TRAF5: variants seen among roughly 807,000 people sequenced by gnomAD.
The protein encoded by TRAF5 is TNF receptor-associated factor 5.
TRAF5 carries 48 observed loss-of-function variants against 64.5 expected under a neutral mutation model. That is an observed-to-expected ratio of 0.74 (90% confidence interval 0.59 to 0.95). The LOEUF (loss-of-function observed/expected upper bound fraction) is 0.95. Ranked by LOEUF, TRAF5 falls within the 40% of genes least tolerant of loss-of-function variation. TRAF5 has a pLI of 0.00. For synonymous variants in TRAF5, 206 were observed against 240.5 expected (o/e 0.86, Z 1.33); for missense variants, 545 against 662.8 (o/e 0.82, Z 1.95).
chr1:211,335,338 T>C (rs1235792479), intron 1 of TRAF5, among the ~76,000 whole-genome samples: 26 of 152,092 alleles, frequency 1.7e-4, no homozygotes, highest in Non-Finnish European at 1.5e-5. Context: ...GCTGTGTGAA[T>C]TAAGTGGGAC....
rs1702902032 is a variant in TRAF5 at position 211,354,574 on chromosome 1, T to C, written c.276+107T>C. On this transcript the variant is annotated intron_variant, in intron 3 of 10. Coordinates refer to ENST00000261464, the MANE Select transcript of TRAF5 (RefSeq NM_001033910.3). Reference sequence around the variant, plus strand: ...GGAGAGTGGTCGAGGGAGACCTTCCTTGGAGTCCATATTCTTCTGCTGTGG... The same window carrying C: ...GGAGAGTGGTCGAGGGAGACCTTCCCTGGAGTCCATATTCTTCTGCTGTGG... 4 of 1,113,346 alleles carry C rather than the reference T, an allele frequency of 3.6e-6. No individual in the cohort carries two copies. The East Asian group carries it at 1.0e-4, about 28-fold the overall frequency. 69.0% of individuals were successfully genotyped at this position (1,113,346 alleles called of 1,614,324 possible). A position where few individuals can be genotyped will look rare whatever the true frequency, so the allele number is the denominator to read the frequency against.
chr1:211,371,873 G>A (rs1283387441), intron 10 of TRAF5, among the ~76,000 whole-genome samples: 2 of 152,194 alleles, frequency 1.3e-5, no homozygotes, highest in African/African-American at 2.4e-5. Context: ...GCTGATTCAC[G>A]CTAGTTGAAT....
intron 4 of TRAF5, 167 bp from the exon 5 acceptor site, chr1:211,359,744 AG>A: frequency 1.5e-6 from 1 of 665,248 alleles, no homozygotes; most frequent in South Asian, 2.2e-5. Flanking sequence ...TCTCCTCAGC[AG>A]AGACAGTGGG....
At chr1:211,354,235 C>G (rs1702887446) in intron 2 of TRAF5, among the ~76,000 whole-genome samples, 175 bp from the exon 3 acceptor site, 1 of 152,148 alleles carries the variant, frequency 6.6e-6, no homozygotes, top group Non-Finnish European at 1.5e-5. Context: ...ACTGAAAGAA[C>G]AGGAAGGTGC....
chr1:211,372,715 G>T lies in TRAF5; in HGVS notation c.*13G>T. The T allele has an allele frequency of 6.2e-7, 1 of 1,608,382 alleles. No homozygotes were observed. The highest frequency in any genetic ancestry group is 1.1e-5 in the South Asian group (1 of 90,754). On this transcript the variant is annotated 3_prime_UTR_variant, in exon 11 of 11. Transcript: ENST00000261464. Reference sequence around the variant, plus strand: ...GGAGGATCTCTAGTCACTGTTATGGGGTGATAAGAGGACTTCTTGGGGCCA... The same window carrying T: ...GGAGGATCTCTAGTCACTGTTATGGTGTGATAAGAGGACTTCTTGGGGCCA...
At position 211,356,428 on chromosome 1, in the gene TRAF5, C is replaced by G. The variant is rs554402196; in HGVS notation, c.338C>G (p.Ala113Gly). The G allele has an allele frequency of 9.3e-6, 15 of 1,614,158 alleles. No homozygotes were observed. In the South Asian group the frequency reaches 1.5e-4, roughly 17 times the overall value. ...VLNLYVYCSN[A>G]PGCNAKVILG... ...AACTTATATGTATATTGCAGCAATG[C>G]TCCTGGATGTAATGCCAAGGTTATT... The change falls in exon 4 of 11, where the codon GCT (alanine) becomes GGT (glycine). Residue 113 changes from alanine (A) to glycine (G), a missense_variant. By Grantham distance (60) the Ala-to-Gly change is moderately conservative. Transcript: ENST00000261464.
intron 1 of TRAF5, among the ~76,000 whole-genome samples, chr1:211,335,362 C>T (rs1702263530): frequency 6.6e-6 from 1 of 152,164 alleles, no homozygotes; most frequent in African/African-American, 2.4e-5. Flanking sequence ...CTATGTACAT[C>T]TCCTGCAGTA....
chr1:211,334,073 A>T (rs776346668), intron 1 of TRAF5, among the ~76,000 whole-genome samples: 2 of 152,218 alleles, frequency 1.3e-5, no homozygotes, highest in Non-Finnish European at 2.9e-5. Flanking sequence ...AAAAGAATAC[A>T]AAGCAAAATG....
chr1:211,356,668 T>A, intron 4 of TRAF5, 200 bp downstream of exon 4: 1 of 515,778 alleles, frequency 1.9e-6, no homozygotes, highest in Non-Finnish European at 3.5e-6. Context: ...AGGTTCGTCC[T>A]GTATGGAGCG....
At chr1:211,352,398 A>T (rs1205413705) in intron 1 of TRAF5, among the ~76,000 whole-genome samples, 1 of 145,214 alleles carries the variant, frequency 6.9e-6, no homozygotes, top group Admixed American at 7.0e-5. Flanking sequence ...GGAATTCAAG[A>T]GGAGACTTGG....
chr1:211,354,273 T>G lies in TRAF5; in HGVS notation c.219-137T>G, dbSNP rs184175484. ...AAGGAGGGGTACAGGAGGCCCCTTC[T>G]GGGTAGAGGGAACAGCATGTGCAGA... On this transcript the variant is annotated intron_variant, in intron 2 of 10. Transcript: ENST00000261464. The G allele has an allele frequency of 3.4e-5, 24 of 706,944 alleles. No homozygotes were observed. The African/African-American group carries it at 3.8e-4, about 11-fold the overall frequency. The allele number at this position is 706,944 out of a possible 1,614,324, so 43.8% of individuals were successfully genotyped here.
Position 211,345,369 on chromosome 1 carries a change from C to T in TRAF5, c.-1-7870C>T, listed in dbSNP as rs145920479. 4.7e-3 allele frequency among the ~76,000 whole-genome samples: 721 copies of T among 151,996 alleles called. 6 individuals carry two copies. Among genetic ancestry groups the T allele is most frequent in the Non-Finnish European group, 3.2e-3 (216 of 67,936 alleles). ...CTGTGCCAGCCCTGCGCTCCCCCCC[C>T]CTCCTTTTTTTTTGCTTCCTGGTAG... On this transcript the variant is annotated intron_variant, in intron 1 of 10. Coordinates refer to ENST00000261464, the MANE Select transcript of TRAF5 (RefSeq NM_001033910.3).
At chr1:211,340,855 C>A (rs946360215) in intron 1 of TRAF5, among the ~76,000 whole-genome samples, 1 of 152,252 alleles carries the variant, frequency 6.6e-6, no homozygotes, top group African/African-American at 2.4e-5. Flanking sequence ...TCGCAGCCTC[C>A]ACAATCGCGA....
chr1:211,332,248 A>G (rs1702175396), intron 1 of TRAF5, among the ~76,000 whole-genome samples: 1 of 152,210 alleles, frequency 6.6e-6, no homozygotes, highest in African/African-American at 2.4e-5. Flanking sequence ...GGAAAAAATA[A>G]AACAGATTTG....
intron 1 of TRAF5, among the ~76,000 whole-genome samples, chr1:211,328,955 G>T (rs1702090114): frequency 6.6e-6 from 1 of 152,150 alleles, no homozygotes; most frequent in Non-Finnish European, 1.5e-5. Context: ...TCAGAGCATT[G>T]AGGTGTCTTG....
chr1:211,361,023 C>G lies in TRAF5; in HGVS notation c.622-65C>G, dbSNP rs1018784646. 6 of 1,529,680 alleles carry G rather than the reference C, an allele frequency of 3.9e-6. No homozygotes were observed. The Admixed American group carries it at 1.0e-4, about 26-fold the overall frequency. 94.8% of individuals were successfully genotyped at this position (1,529,680 alleles called of 1,614,324 possible). ...CCTTCTTCCCAAGCCACTCTTGGCT[C>G]CCTGATTGCTGCAGTTGGAGAATAA... On this transcript the variant is annotated intron_variant, in intron 6 of 10. Coordinates refer to ENST00000261464, the MANE Select transcript of TRAF5 (RefSeq NM_001033910.3).
intron 9 of TRAF5, 106 bp downstream of exon 9, chr1:211,369,698 C>G (rs1366375770): frequency 4.8e-6 from 6 of 1,250,564 alleles, no homozygotes; most frequent in Non-Finnish European, 6.5e-6. Context: ...TACAGAAAAG[C>G]TGTAAGAATA....
intron 1 of TRAF5, among the ~76,000 whole-genome samples, chr1:211,353,011 G>A (rs1033930488): frequency 3.9e-5 from 6 of 152,176 alleles, no homozygotes; most frequent in African/African-American, 1.4e-4. Context: ...GTAGAATCTT[G>A]CTAGAAGTCA....
intron 1 of TRAF5, among the ~76,000 whole-genome samples, chr1:211,352,189 C>T (rs367929903): frequency 5.9e-5 from 9 of 152,172 alleles, no homozygotes; most frequent in South Asian, 2.1e-4. Context: ...TGGCTGCAGA[C>T]GCCTCACAAT....
Sources: gnomAD v4.1 joint callset for allele counts (sites outside exome capture counted in the v4.1 genomes callset) on GRCh38, gnomAD v4.1.1 for gene constraint, MANE v1.5 for transcripts, NCBI Gene and HGNC (gene_info 2026-07-23, HGNC 2026-07-21) for gene names.